Variants in RELN observed in about 807,000 individuals in gnomAD.
RELN encodes reelin.
A neutral mutation model predicts 427.6 loss-of-function variants in RELN; 108 were observed. The ratio of observed to expected loss-of-function variants is 0.25; its 90% confidence interval spans 0.22 to 0.30. RELN has a LOEUF of 0.30. Among genes scored for constraint, RELN ranks in the 10% least tolerant of loss-of-function variants. RELN has a pLI of 1.00. For synonymous variants in RELN, 1,524 were observed against 1,513.4 expected, an observed-to-expected ratio of 1.01 and a Z score of -0.16; for missense variants, 3,715 against 4,302.8, an observed-to-expected ratio of 0.86 and a Z score of 3.82.
At chr7:103,495,002 A>T (rs1444039167) in intron 57 of RELN, among the ~76,000 whole-genome samples, 2 of 152,064 alleles carry the variant, frequency 1.3e-5, no homozygotes, top group Non-Finnish European at 2.9e-5. Flanking sequence ...CATAAAAAGG[A>T]GATAGTGTTA....
At chr7:103,574,538 T>C (rs1830955932) in intron 29 of RELN, among the ~76,000 whole-genome samples, 2 of 152,204 alleles carry the variant, frequency 1.3e-5, no homozygotes, top group African/African-American at 2.4e-5. Context: ...TGGGAAGACA[T>C]TGGGAACCAT....
At chr7:103,741,792 G>GA (rs1488907472) in intron 6 of RELN, among the ~76,000 whole-genome samples, 8 of 141,036 alleles carry the variant, frequency 5.7e-5, no homozygotes, top group African/African-American at 2.4e-4. Flanking sequence ...AATGCTGCAA[G>GA]AAGATATTTG....
At chr7:103,693,286 T>C (rs1414953302) in intron 10 of RELN, among the ~76,000 whole-genome samples, 3 of 150,034 alleles carry the variant, frequency 2.0e-5, no homozygotes, top group Admixed American at 6.7e-5. Context: ...TAAGTGGGAA[T>C]TGAACAATGA....
Position 103,671,561 on chromosome 7 carries a change from G to A in RELN, c.1290-10034C>T, listed in dbSNP as rs542004128. 4.6e-5 allele frequency among the ~76,000 whole-genome samples: 7 copies of A among 152,178 alleles called. No homozygotes were observed. In the South Asian group the frequency reaches 1.2e-3, roughly 27 times the overall value. Reference sequence around the variant, plus strand: ...GTTTCCTTTTCTCCTCCCGTAAAATGTAGTGATATTTTCATTTTAAAATAA... The same window carrying A: ...GTTTCCTTTTCTCCTCCCGTAAAATATAGTGATATTTTCATTTTAAAATAA... On this transcript the variant is annotated intron_variant, in intron 11 of 64. Transcript: ENST00000428762.
chr7:103,962,421 CTT>C (rs1796576060), intron 1 of RELN, among the ~76,000 whole-genome samples: 1 of 152,134 alleles, frequency 6.6e-6, no homozygotes, highest in Admixed American at 6.6e-5. Flanking sequence ...TCTTCCTGCT[CTT>C]TGATTGCCTT....
rs77265060 is a variant in RELN at position 103,957,726 on chromosome 7, A to G, written c.226+31405T>C. On this transcript the variant is annotated intron_variant, in intron 1 of 64. Transcript: ENST00000428762. ...GTATTCATTTTACATGTGTTGGAAT[A>G]CTTTCACATAAGGCTTTTTAGATTT... 7.1e-3 allele frequency among the ~76,000 whole-genome samples: 1,079 copies of G among 152,248 alleles called. 15 individuals carry two copies. Among genetic ancestry groups the G allele is most frequent in the African/African-American group, 0.024 (1,017 of 41,546 alleles).
chr7:103,693,054 C>T (rs1220023736), intron 10 of RELN, among the ~76,000 whole-genome samples: 2 of 152,022 alleles, frequency 1.3e-5, no homozygotes, highest in East Asian at 1.9e-4. Flanking sequence ...GAAAATTAGG[C>T]TGGATGACTA....
In RELN at chr7:103,519,429, T is replaced by C. The variant is rs2117085842; in HGVS notation, c.7756A>G (p.Thr2586Ala). ...ACACCTTGGTTACGGTTGTTTGGTG[T>C]AATCAGGCACCCATACATGAAGTAA... ...QFYFMYGCLITPNNRNQGVLL... is the reference protein window; with the variant it reads ...QFYFMYGCLIAPNNRNQGVLL... The change falls in exon 49 of 65, where the codon ACA (threonine) becomes GCA (alanine). Residue 2586 changes from threonine (T) to alanine (A), a missense_variant. Thr to Ala is a moderately conservative substitution (Grantham distance 58, BLOSUM62 0). Around this residue, in one of 4 missense-constraint regions of RELN, gnomAD observed 1,310 missense variants for 1,643.0 expected, o/e 0.80. Transcript: ENST00000428762. 1.9e-6 allele frequency: 3 copies of C among 1,613,492 alleles called. No individual in the cohort carries two copies. In the East Asian group the frequency reaches 6.7e-5, roughly 36 times the overall value.
rs546983317 is a variant in RELN at position 103,687,948 on chromosome 7, C to G, written c.1144-5687G>C. 2.6e-5 allele frequency among the ~76,000 whole-genome samples: 4 copies of G among 152,166 alleles called. No individual in the cohort carries two copies. In the Middle Eastern group the frequency reaches 0.01, roughly 388 times the overall value. The stretch of plus-strand genomic sequence containing the variant: ...CACATTAATTACTGTACAAATAGGC[C>G]TCATTGGGGGGAATTGTGAAAAGCA... On this transcript the variant is annotated intron_variant, in intron 10 of 64. Coordinates refer to ENST00000428762, the MANE Select transcript of RELN (RefSeq NM_005045.4).
chr7:103,529,794 G>A (rs562556922), intron 46 of RELN, among the ~76,000 whole-genome samples: 2 of 152,154 alleles, frequency 1.3e-5, no homozygotes, highest in South Asian at 2.1e-4. Flanking sequence ...GAAACCGTTC[G>A]TTCGAAGGTC....
At chr7:103,553,101 T>C (rs116248051) in intron 40 of RELN, among the ~76,000 whole-genome samples, 3,466 of 152,258 alleles carry the variant, frequency 0.023, 137 homozygotes, top group African/African-American at 0.079. Context: ...TAGCATGGCA[T>C]AGACTATAGT....
rs1793323891 is a variant in RELN at position 103,833,469 on chromosome 7, T to C, written c.473+68A>G. The C allele has an allele frequency of 1.2e-5, 16 of 1,325,394 alleles. No homozygotes were observed. The East Asian group carries it at 3.2e-4, about 27-fold the overall frequency. 82.1% of individuals were successfully genotyped at this position (1,325,394 alleles called of 1,614,324 possible). ...ATAAAACACTTAAATAGTTACTCTA[T>C]ATGTAATCCCATGAGAAGTCCTAAG... is the stretch of plus-strand genomic sequence containing the variant. On this transcript the variant is annotated intron_variant, in intron 3 of 64. Coordinates refer to ENST00000428762, the MANE Select transcript of RELN (RefSeq NM_005045.4).
At chr7:103,983,376 GA>G (rs762198537) in intron 1 of RELN, among the ~76,000 whole-genome samples, 1 of 152,210 alleles carries the variant, frequency 6.6e-6, no homozygotes, top group Non-Finnish European at 1.5e-5. Context: ...CATGGCAGGT[GA>G]CTGTGGTGAA....
At chr7:103,612,090 A>G (rs557425800) in intron 20 of RELN, among the ~76,000 whole-genome samples, 1 of 152,256 alleles carries the variant, frequency 6.6e-6, no homozygotes, top group South Asian at 2.1e-4. Context: ...CATTAATCTC[A>G]CTTCTTGAAA....
In RELN at chr7:103,767,189, C is replaced by T. The variant is rs142715780; in HGVS notation, c.544+9368G>A. 1.9e-3 allele frequency among the ~76,000 whole-genome samples: 291 copies of T among 152,314 alleles called. 2 individuals are homozygous for T. The highest frequency in any genetic ancestry group is 6.7e-3 in the African/African-American group (278 of 41,570). On this transcript the variant is annotated intron_variant, in intron 4 of 64. Coordinates refer to ENST00000428762, the MANE Select transcript of RELN (RefSeq NM_005045.4). ...TGCTGATGCACTCACATCACTTTTG[C>T]CTTAACTGTGTAGATTTAGGGCACC...
intron 11 of RELN, 141 bp from the exon 12 acceptor site, chr7:103,661,668 G>A: frequency 1.2e-6 from 1 of 805,808 alleles, no homozygotes; most frequent in Non-Finnish European, 2.0e-6. Context: ...ACTTTATTTA[G>A]GCAATGATTA....
At chr7:103,689,483 T>C (rs1224816024) in intron 10 of RELN, among the ~76,000 whole-genome samples, 1 of 151,910 alleles carries the variant, frequency 6.6e-6, no homozygotes, top group African/African-American at 2.4e-5. Flanking sequence ...GCACTTTTTC[T>C]CTTTTGAAAA....
In RELN at chr7:103,749,983, T is replaced by TA. The variant is rs1341266843; in HGVS notation, c.578-480_578-479insT. Reference sequence around the variant, plus strand: ...GTGAGTTCTCATGAGATTTGATGGTTTTTTTTTATTTTTTGAGACAGAGTC... The same window carrying TA: ...GTGAGTTCTCATGAGATTTGATGGTTATTTTTTTATTTTTTGAGACAGAGTC... On this transcript the variant is annotated intron_variant, in intron 5 of 64. Coordinates refer to ENST00000428762, the MANE Select transcript of RELN (RefSeq NM_005045.4). Among the ~76,000 whole-genome samples, 16 of 152,126 alleles carry TA rather than the reference T, an allele frequency of 1.1e-4. No homozygotes were observed. In the East Asian group the frequency reaches 2.1e-3, roughly 20 times the overall value.
At chr7:103,965,431 C>A (rs2116802725) in intron 1 of RELN, among the ~76,000 whole-genome samples, 1 of 152,150 alleles carries the variant, frequency 6.6e-6, no homozygotes, top group Admixed American at 6.5e-5. Context: ...ATAGAGTGGC[C>A]TTTTAAAATG....
Sources: allele counts gnomAD v4.1 joint callset (sites outside exome capture counted in the v4.1 genomes callset), GRCh38; gene constraint gnomAD v4.1.1; regional missense constraint gnomAD v4.1.1; transcripts MANE v1.5; gene names NCBI Gene and HGNC (gene_info 2026-07-23, HGNC 2026-07-21).